NCKAP5: variants seen among roughly 807,000 people sequenced by gnomAD.
NCKAP5 encodes nck-associated protein 5.
In NCKAP5, 92 loss-of-function variants were observed where a neutral mutation model predicts 167.0. The observed-to-expected ratio is 0.55, with a 90% CI of 0.47 to 0.66. The LOEUF is 0.66. Ranked by LOEUF, NCKAP5 falls within the 30% of genes least tolerant of loss-of-function variation. The pLI, the probability that NCKAP5 is intolerant of heterozygous loss-of-function variation, is 0.00. For synonymous variants in NCKAP5, 891 were observed against 877.4 expected (o/e 1.02, Z -0.27); for missense variants, 2,378 against 2,315.0 (o/e 1.03, Z -0.56).
intron 17 of NCKAP5, among the ~76,000 whole-genome samples, chr2:132,730,030 C>G (rs898812773): frequency 6.6e-6 from 1 of 152,078 alleles, no homozygotes; most frequent in African/African-American, 2.4e-5. Context: ...CATGCATAAC[C>G]GATGGACACA....
chr2:133,318,830 G>A (rs1574687676), intron 3 of NCKAP5, among the ~76,000 whole-genome samples: 1 of 152,132 alleles, frequency 6.6e-6, no homozygotes, highest in East Asian at 1.9e-4. Flanking sequence ...TACCTGGGAT[G>A]ACCAAATGGT....
chr2:133,465,441 C>T (rs1386811110), intron 3 of NCKAP5, among the ~76,000 whole-genome samples: 5 of 151,638 alleles, frequency 3.3e-5, no homozygotes, highest in Admixed American at 6.6e-5. Flanking sequence ...CAAGTCTTTG[C>T]TATCGTGAAT....
intron 7 of NCKAP5, among the ~76,000 whole-genome samples, chr2:132,973,626 C>A (rs1000914118): frequency 6.6e-6 from 1 of 151,960 alleles, no homozygotes; most frequent in Non-Finnish European, 1.5e-5. Context: ...TACATAATTT[C>A]ATTAAGATTA....
At chr2:133,393,099 C>G (rs570127409) in intron 3 of NCKAP5, among the ~76,000 whole-genome samples, 11 of 152,294 alleles carry the variant, frequency 7.2e-5, no homozygotes, top group African/African-American at 2.4e-4. Context: ...AACTAAACAG[C>G]TCTTTTTGGA....
chr2:133,163,342 C>T (rs958176695), intron 5 of NCKAP5, among the ~76,000 whole-genome samples: 2 of 152,194 alleles, frequency 1.3e-5, no homozygotes, highest in Admixed American at 6.5e-5. Flanking sequence ...GCCCATTTAT[C>T]GCAGGCTCAA....
intron 3 of NCKAP5, among the ~76,000 whole-genome samples, chr2:133,321,730 T>C (rs545468789): frequency 2.6e-5 from 4 of 152,292 alleles, no homozygotes; most frequent in Non-Finnish European, 5.9e-5. Context: ...TTTCAATAAA[T>C]AGCTCAATCA....
At position 133,160,421 on chromosome 2, in the gene NCKAP5, TTCTTTTCC is replaced by T. The variant is rs1434143839; in HGVS notation, c.208-30318_208-30311del. ...TAAGGTCACATTCTTTTTTTTTTTT[TTCTTTTCC>T]TTTCTTTTTCTTTTTTTTTTTTTTA... On this transcript the variant is annotated intron_variant, in intron 5 of 19. Coordinates refer to ENST00000409261, the MANE Select transcript of NCKAP5 (RefSeq NM_207363.3). 3.5e-4 allele frequency among the ~76,000 whole-genome samples: 38 copies of T among 108,082 alleles called. No individual in the cohort carries two copies. In the East Asian group the frequency reaches 4.0e-3, roughly 12 times the overall value. The allele number at this position is 108,082 out of a possible 152,430, so 70.9% of individuals were successfully genotyped here. A position where few individuals can be genotyped will look rare whatever the true frequency, so the allele number is the denominator to read the frequency against.
intron 8 of NCKAP5, among the ~76,000 whole-genome samples, chr2:132,916,283 T>C (rs1694870261): frequency 6.6e-6 from 1 of 152,000 alleles, no homozygotes; most frequent in African/African-American, 2.4e-5. Flanking sequence ...GAATTTATGA[T>C]CGAATGTGAC....
intron 3 of NCKAP5, among the ~76,000 whole-genome samples, chr2:133,440,680 AGCCT>A (rs1479212657): frequency 2.3e-5 from 3 of 132,630 alleles, no homozygotes; most frequent in Non-Finnish European, 4.6e-5. Context: ...ACTGCACTCC[AGCCT>A]GGGCGACAGA....
chr2:133,479,197 AAAG>A (rs1225589944), intron 3 of NCKAP5, among the ~76,000 whole-genome samples: 2 of 152,210 alleles, frequency 1.3e-5, no homozygotes, highest in Non-Finnish European at 2.9e-5. Context: ...GGGCTGTTAA[AAAG>A]AAGTATAAGG....
intron 3 of NCKAP5, among the ~76,000 whole-genome samples, chr2:133,365,133 T>C (rs111858472): frequency 1.3e-5 from 2 of 151,864 alleles, no homozygotes; most frequent in South Asian, 2.1e-4. Context: ...CACAAACACA[T>C]ACACAAAACC....
intron 6 of NCKAP5, among the ~76,000 whole-genome samples, chr2:133,063,414 C>A (rs529412289): frequency 6.6e-6 from 1 of 152,100 alleles, no homozygotes; most frequent in African/African-American, 2.4e-5. Context: ...TTATATATGG[C>A]GAATCCATCT....
intron 8 of NCKAP5, among the ~76,000 whole-genome samples, chr2:132,932,461 T>G (rs545416662): frequency 6.6e-6 from 1 of 152,280 alleles, no homozygotes; most frequent in African/African-American, 2.4e-5. Context: ...AAAAATTGCA[T>G]AATCAGTCTA....
At chr2:133,621,000 AG>A in the NCKAP5 span, among the ~76,000 whole-genome samples, 4 of 152,214 alleles carry the variant, frequency 2.6e-5, no homozygotes, top group Admixed American at 6.5e-5. Flanking sequence ...ATGGAAATTA[AG>A]TAACCTGCTC....
At chr2:133,247,855 T>C (rs572046075) in intron 4 of NCKAP5, among the ~76,000 whole-genome samples, 6 of 152,324 alleles carry the variant, frequency 3.9e-5, no homozygotes, top group Middle Eastern at 6.8e-3. Flanking sequence ...GTGTGTCTCA[T>C]GTTACTTGTT....
intron 1 of NCKAP5, among the ~76,000 whole-genome samples, chr2:133,564,568 AG>A (rs1688411168): frequency 6.6e-6 from 1 of 152,220 alleles, no homozygotes; most frequent in Non-Finnish European, 1.5e-5. Flanking sequence ...ATGCAGTGTA[AG>A]CATCCCAACA....
intron 11 of NCKAP5, among the ~76,000 whole-genome samples, chr2:132,810,392 T>A (rs746503109): frequency 9.9e-5 from 15 of 152,232 alleles, no homozygotes; most frequent in Admixed American, 1.3e-4. Context: ...ATTCTCTTCT[T>A]CCTCAGGAAC....
chr2:133,594,447 C>T, the NCKAP5 span, among the ~76,000 whole-genome samples: 4 of 152,158 alleles, frequency 2.6e-5, no homozygotes, highest in Non-Finnish European at 5.9e-5. Context: ...TAACCATAAC[C>T]TCCTGGAATC....
intron 8 of NCKAP5, among the ~76,000 whole-genome samples, chr2:132,912,026 A>G (rs2148957505): frequency 6.6e-6 from 1 of 152,338 alleles, no homozygotes; most frequent in Non-Finnish European, 1.5e-5. Context: ...GCCATTAAAG[A>G]AAACTGGTGA....
Sources: allele counts gnomAD v4.1 joint callset (sites outside exome capture counted in the v4.1 genomes callset), GRCh38; gene constraint gnomAD v4.1.1; transcripts MANE v1.5; gene names NCBI Gene and HGNC (gene_info 2026-07-23, HGNC 2026-07-21).